Variants in ARL8B observed in about 807,000 individuals in gnomAD.
ARL8B encodes the protein ADP-ribosylation factor-like protein 8B.
In ARL8B, 9 loss-of-function variants were observed where a neutral mutation model predicts 30.6. That is an observed-to-expected ratio of 0.29 (90% CI 0.18 to 0.51). The LOEUF (loss-of-function observed/expected upper bound fraction) is 0.51, where lower values mean the gene tolerates loss of function less well. Among genes scored for constraint, ARL8B ranks in the 20% least tolerant of loss-of-function variants. The pLI, the probability that ARL8B is intolerant of heterozygous loss-of-function variation, is 0.97. For missense variants in ARL8B, 130 were observed against 227.2 expected, an observed-to-expected ratio of 0.57 and a Z score of 2.75; for synonymous variants, 74 against 76.0, an observed-to-expected ratio of 0.97 and a Z score of 0.14.
At chr3:5,133,750 A>G (rs1367082004) in intron 1 of ARL8B, among the ~76,000 whole-genome samples, 1 of 152,166 alleles carries the variant, frequency 6.6e-6, no homozygotes, top group East Asian at 1.9e-4. Context: ...CAACATAGTG[A>G]AACTCTGGTC....
At chr3:5,143,522 A>G (rs1000484264) in intron 1 of ARL8B, among the ~76,000 whole-genome samples, 1 of 152,224 alleles carries the variant, frequency 6.6e-6, no homozygotes, top group South Asian at 2.1e-4. Context: ...CAGGTGATCC[A>G]TGCACTTTCC....
Position 5,180,502 on chromosome 3 carries a change from A to G in ARL8B, c.*1789A>G, listed in dbSNP as rs2054768825. On this transcript the variant is annotated 3_prime_UTR_variant, in exon 7 of 7. Transcript: ENST00000256496. ...GAATGTGTGACTCTGTGGGGACTGC[A>G]TAGGTTTGTTAATTGACCTATAGCT... 1 of 152,656 alleles carries G rather than the reference A, an allele frequency of 6.6e-6. No individual in the cohort carries two copies. The highest frequency in any genetic ancestry group is 1.5e-5 in the Non-Finnish European group (1 of 68,052). The allele number at this position is 152,656 out of a possible 1,614,324, so 9.5% of individuals were successfully genotyped here.
chr3:5,152,385 TA>T (rs2054492841), intron 1 of ARL8B, among the ~76,000 whole-genome samples: 2 of 152,250 alleles, frequency 1.3e-5, no homozygotes, highest in Non-Finnish European at 2.9e-5. Context: ...CTTCTGATAT[TA>T]AAATAATTAT....
At chr3:5,128,162 CAA>C (rs35084667) in intron 1 of ARL8B, among the ~76,000 whole-genome samples, 45 of 53,168 alleles carry the variant, frequency 8.5e-4, no homozygotes, top group African/African-American at 2.0e-3. Context: ...AAATCCGTCT[CAA>C]AAAAAAAAAA....
intron 1 of ARL8B, among the ~76,000 whole-genome samples, chr3:5,131,447 G>C (rs991862591): frequency 6.6e-6 from 1 of 151,380 alleles, no homozygotes; most frequent in Admixed American, 6.6e-5. Context: ...CTGGAGTGCA[G>C]TGGCGCGATC....
intron 1 of ARL8B, among the ~76,000 whole-genome samples, chr3:5,128,162 C>CAAAAAAAAAAAAAAAAAAAAAAAAAA: frequency 1.9e-5 from 1 of 53,152 alleles, no homozygotes; most frequent in Non-Finnish European, 4.3e-5. Flanking sequence ...AAATCCGTCT[C>CAAAAAAAAAAAAAAAAAAAAAAAAAA]AAAAAAAAAA....
intron 1 of ARL8B, among the ~76,000 whole-genome samples, chr3:5,140,491 T>A (rs1175854216): frequency 6.6e-6 from 1 of 152,154 alleles, no homozygotes; most frequent in African/African-American, 2.4e-5. Context: ...ACCTCTTTCC[T>A]TTGTAAATTA....
At chr3:5,141,688 T>C (rs1037521529) in intron 1 of ARL8B, among the ~76,000 whole-genome samples, 8 of 152,200 alleles carry the variant, frequency 5.3e-5, no homozygotes, top group African/African-American at 1.7e-4. Context: ...GATGGTCCCA[T>C]CTGGGGCAGT....
At chr3:5,176,227 C>A (rs1233694782) in intron 6 of ARL8B, among the ~76,000 whole-genome samples, 1 of 151,952 alleles carries the variant, frequency 6.6e-6, no homozygotes, top group Non-Finnish European at 1.5e-5. Flanking sequence ...GCAAACATGG[C>A]TTTATTTATT....
intron 1 of ARL8B, among the ~76,000 whole-genome samples, chr3:5,139,601 T>C (rs1222073849): frequency 4.6e-5 from 7 of 152,220 alleles, no homozygotes; most frequent in African/African-American, 1.2e-4. Flanking sequence ...CTTTGACATT[T>C]GTTTAGTTGC....
intron 1 of ARL8B, among the ~76,000 whole-genome samples, chr3:5,166,036 AG>A (rs2054620848): frequency 6.6e-6 from 1 of 151,748 alleles, no homozygotes. Flanking sequence ...TATTGTCTTA[AG>A]ATATCTTTTT....
intron 6 of ARL8B, among the ~76,000 whole-genome samples, chr3:5,178,387 T>A (rs2054749318): frequency 6.6e-6 from 1 of 151,350 alleles, no homozygotes; most frequent in Non-Finnish European, 1.5e-5. Flanking sequence ...CCTGGCAATT[T>A]GCATGCAACA....
At chr3:5,163,514 G>GTA (rs1296765638) in intron 1 of ARL8B, among the ~76,000 whole-genome samples, 1 of 152,162 alleles carries the variant, frequency 6.6e-6, no homozygotes, top group Non-Finnish European at 1.5e-5. Flanking sequence ...AATGAACATT[G>GTA]TATATATGAT....
chr3:5,144,908 A>G (rs1228810610), intron 1 of ARL8B, among the ~76,000 whole-genome samples: 1 of 152,160 alleles, frequency 6.6e-6, no homozygotes, highest in African/African-American at 2.4e-5. Flanking sequence ...AAAAGTGTGT[A>G]CCACCCCATA....
chr3:5,140,189 T>C (rs574582490), intron 1 of ARL8B, among the ~76,000 whole-genome samples: 14 of 152,270 alleles, frequency 9.2e-5, no homozygotes, highest in Admixed American at 7.2e-4. Context: ...ATGGTTTTGC[T>C]GGGTCCTCAC....
intron 1 of ARL8B, among the ~76,000 whole-genome samples, chr3:5,126,443 T>G (rs943233445): frequency 3.9e-5 from 6 of 152,230 alleles, no homozygotes; most frequent in Non-Finnish European, 7.4e-5. Context: ...CCAATTTTCT[T>G]TTTGTAAAAA....
chr3:5,172,195 C>T lies in ARL8B; in HGVS notation c.250C>T (p.Arg84Trp), dbSNP rs201567012. 1 of 1,613,218 alleles carries T rather than the reference C, an allele frequency of 6.2e-7. No homozygotes were observed. The highest frequency in any genetic ancestry group is 8.5e-7 in the Non-Finnish European group (1 of 1,179,546). The stretch of plus-strand genomic sequence containing the variant: ...ACCCCGATTTCGAAGCATGTGGGAG[C>T]GGTATTGCAGAGGAGTCAATGCTAT... ...GQPRFRSMWE[R>W]YCRGVNAIVY... The change falls in exon 3 of 7, where the codon CGG (arginine) becomes TGG (tryptophan). Residue 84 changes from arginine (R) to tryptophan (W), a missense_variant. Transcript: ENST00000256496.
At chr3:5,165,455 C>G (rs1255340722) in intron 1 of ARL8B, among the ~76,000 whole-genome samples, 1 of 151,886 alleles carries the variant, frequency 6.6e-6, no homozygotes, top group African/African-American at 2.4e-5. Context: ...TCTCGTTTGC[C>G]CAGTGTGTGA....
intron 1 of ARL8B, among the ~76,000 whole-genome samples, chr3:5,160,255 G>A (rs2054569489): frequency 6.6e-6 from 1 of 152,178 alleles, no homozygotes. Context: ...GCTCATCAAT[G>A]TTTCTGAATA....
Sources: allele counts gnomAD v4.1 joint callset (sites outside exome capture counted in the v4.1 genomes callset), GRCh38; gene constraint gnomAD v4.1.1; transcripts MANE v1.5; gene names NCBI Gene and HGNC (gene_info 2026-07-23, HGNC 2026-07-21).